Variants in CSMD3 observed in about 807,000 individuals in gnomAD.
CSMD3 encodes CUB and Sushi multiple domains 3.
In CSMD3, 177 loss-of-function variants were observed where a neutral mutation model predicts 435.2. The observed-to-expected ratio is 0.41, with a 90% CI of 0.36 to 0.46. CSMD3 has a LOEUF of 0.46. Among genes scored for constraint, CSMD3 ranks in the 20% least tolerant of loss-of-function variants. The pLI, the probability that CSMD3 is intolerant of heterozygous loss-of-function variation, is 0.34. For synonymous variants in CSMD3, 1,656 were observed against 1,520.5 expected (o/e 1.09, Z -2.07); for missense variants, 4,265 against 4,504.6 (o/e 0.95, Z 1.52).
intron 13 of CSMD3, among the ~76,000 whole-genome samples, chr8:112,797,933 T>G (rs1299527257): frequency 2.0e-5 from 3 of 151,932 alleles, no homozygotes; most frequent in Non-Finnish European, 4.4e-5. Context: ...TTTATATAGG[T>G]TCATTTATTC....
intron 1 of CSMD3, among the ~76,000 whole-genome samples, chr8:113,395,279 T>C (rs1228349855): frequency 6.6e-6 from 1 of 152,132 alleles, no homozygotes; most frequent in African/African-American, 2.4e-5. Context: ...AGGCTATCAA[T>C]GCTAGTTTGA....
intron 32 of CSMD3, among the ~76,000 whole-genome samples, chr8:112,459,838 TA>T (rs1312819037): frequency 2.0e-5 from 3 of 152,096 alleles, no homozygotes; most frequent in African/African-American, 7.2e-5. Flanking sequence ...CAACTAGAGA[TA>T]AAAATATATA....
intron 5 of CSMD3, among the ~76,000 whole-genome samples, chr8:113,055,860 A>C (rs1460507105): frequency 6.6e-6 from 1 of 152,148 alleles, no homozygotes; most frequent in Non-Finnish European, 1.5e-5. Context: ...ATTGCTCTTA[A>C]AGTTTGAAGA....
intron 67 of CSMD3, 35 bp downstream of exon 67, chr8:112,237,155 G>T (rs761350417): frequency 1.6e-5 from 26 of 1,598,724 alleles, no homozygotes; most frequent in Non-Finnish European, 2.1e-5. Flanking sequence ...ATAAAGTCAT[G>T]AAGGTATATT....
intron 5 of CSMD3, among the ~76,000 whole-genome samples, chr8:113,061,569 C>T (rs970631324): frequency 6.6e-6 from 1 of 152,040 alleles, no homozygotes; most frequent in Admixed American, 6.6e-5. Context: ...ATGGAATTCA[C>T]TGTTCACATA....
chr8:113,323,344 A>G (rs2093961666), intron 1 of CSMD3, among the ~76,000 whole-genome samples: 1 of 152,208 alleles, frequency 6.6e-6, no homozygotes, highest in Non-Finnish European at 1.5e-5. Context: ...CAAACGGCTC[A>G]AATTACTCAA....
At position 112,311,693 on chromosome 8, in the gene CSMD3, C is replaced by T. The variant is rs137968215; in HGVS notation, c.7697-527G>A. Among the ~76,000 whole-genome samples the T allele has an allele frequency of 6.3e-3, 954 of 152,248 alleles. 3 individuals are homozygous for T. The highest frequency in any genetic ancestry group is 0.01 in the Middle Eastern group (3 of 294). The stretch of plus-strand genomic sequence containing the variant: ...TAAAGTGTGCCCATTCTGTCAAGAG[C>T]GTTTACATATTATGATACAAATTGC... On this transcript the variant is annotated intron_variant, in intron 49 of 70. Coordinates refer to ENST00000297405, the MANE Select transcript of CSMD3 (RefSeq NM_198123.2).
chr8:112,866,768 C>T (rs919118042), intron 10 of CSMD3, among the ~76,000 whole-genome samples: 1 of 152,102 alleles, frequency 6.6e-6, no homozygotes, highest in Non-Finnish European at 1.5e-5. Flanking sequence ...ACAGCATAAA[C>T]TATAATTCTT....
intron 10 of CSMD3, among the ~76,000 whole-genome samples, chr8:112,877,227 T>C (rs770885946): frequency 7.2e-5 from 11 of 152,042 alleles, no homozygotes; most frequent in Non-Finnish European, 1.2e-4. Flanking sequence ...CAAGCTACCA[T>C]TGACTTTCTT....
chr8:113,053,601 T>C (rs903746965), intron 5 of CSMD3, among the ~76,000 whole-genome samples: 1 of 152,090 alleles, frequency 6.6e-6, no homozygotes, highest in Non-Finnish European at 1.5e-5. Context: ...AACTTACTTA[T>C]ACATATACAA....
At chr8:112,392,708 C>T (rs1051975831) in intron 35 of CSMD3, among the ~76,000 whole-genome samples, 52 of 151,620 alleles carry the variant, frequency 3.4e-4, no homozygotes, top group African/African-American at 1.2e-3. Context: ...AAGTGGCCTC[C>T]CTATGGCTGG....
rs114188144 is a variant in CSMD3, at chr8:113,374,339, C to T, written c.179-59546G>A. On this transcript the variant is annotated intron_variant, in intron 1 of 70. Transcript: ENST00000297405. ...ATGAAGAATACATTGGCATATATTC[C>T]TTGCATGTTTTTGAAATATTATTTT... 6.7e-3 allele frequency among the ~76,000 whole-genome samples: 1,012 copies of T among 151,880 alleles called. 11 individuals are homozygous for T. Among genetic ancestry groups the T allele is most frequent in the African/African-American group, 0.022 (906 of 41,430 alleles).
intron 1 of CSMD3, among the ~76,000 whole-genome samples, chr8:113,318,882 A>G (rs1289260238): frequency 6.6e-6 from 1 of 151,280 alleles, no homozygotes; most frequent in African/African-American, 2.4e-5. Flanking sequence ...TTAAGGCTGA[A>G]TAAGATTCCA....
intron 16 of CSMD3, among the ~76,000 whole-genome samples, chr8:112,678,996 G>GTCTAC (rs1563842767): frequency 6.6e-6 from 1 of 151,154 alleles, no homozygotes; most frequent in African/African-American, 2.4e-5. Flanking sequence ...CAGAAAAAAG[G>GTCTAC]AGACAGGAGG....
intron 1 of CSMD3, among the ~76,000 whole-genome samples, chr8:113,421,636 A>T (rs961723274): frequency 2.6e-5 from 4 of 152,166 alleles, no homozygotes; most frequent in Admixed American, 6.6e-5. Context: ...GGTAGGCCTC[A>T]GAAATAGGAT....
At position 112,313,088 on chromosome 8, in the gene CSMD3, G is replaced by C. The variant is rs17556916; in HGVS notation, c.7696+818C>G. ...GAATGGTCTCTGACATGATTTAGAA[G>C]GGCAGTAAAGAAAAGGAACATAACC... is the stretch of plus-strand genomic sequence containing the variant. On this transcript the variant is annotated intron_variant, in intron 49 of 70. Transcript: ENST00000297405. Among the ~76,000 whole-genome samples, 1,302 of 152,096 alleles carry C rather than the reference G, an allele frequency of 8.6e-3. 11 individuals carry two copies. The highest frequency in any genetic ancestry group is 0.013 in the Non-Finnish European group (909 of 67,996).
intron 3 of CSMD3, among the ~76,000 whole-genome samples, chr8:113,270,545 A>G (rs1352463211): frequency 1.3e-5 from 2 of 152,158 alleles, no homozygotes; most frequent in Admixed American, 6.5e-5. Flanking sequence ...TTGTGGCACT[A>G]TTCACAATAG....
chr8:113,173,583 A>C (rs1157753916), intron 4 of CSMD3, 139 bp downstream of exon 4: 16 of 730,100 alleles, frequency 2.2e-5, no homozygotes, highest in Non-Finnish European at 3.6e-5. Flanking sequence ...CAGCCTCCCA[A>C]AGTGCTGGGA....
Position 112,254,279 on chromosome 8 carries a change from A to C in CSMD3, c.10084T>G (p.Ser3362Ala). 6.2e-7 allele frequency: 1 copy of C among 1,612,690 alleles called. No homozygotes were observed. The change falls in exon 63 of 71, where the codon TCT becomes GCT. Residue 3362 changes from serine (S) to alanine (A), a missense_variant. Transcript: ENST00000297405. ...TGAAATCCGAATGTATTGTTCTGAGATCCATGCCGAGGCACACCTGGGTTT... is the reference window on the plus strand; with the variant it reads ...TGAAATCCGAATGTATTGTTCTGAGCTCCATGCCGAGGCACACCTGGGTTT... ...CENPGVPRHG[S>A]QNNTFGFQVG...
Sources: gnomAD v4.1 joint callset for allele counts (sites outside exome capture counted in the v4.1 genomes callset) on GRCh38, gnomAD v4.1.1 for gene constraint, MANE v1.5 for transcripts, NCBI Gene and HGNC (gene_info 2026-07-23, HGNC 2026-07-21) for gene names.